Variants in CNTN4 observed in about 807,000 individuals in gnomAD.
CNTN4 encodes contactin-4.
CNTN4 carries 77 observed loss-of-function variants against 122.5 expected under a neutral mutation model. The ratio of observed to expected loss-of-function variants is 0.63; its 90% CI spans 0.52 to 0.76. The LOEUF (loss-of-function observed/expected upper bound fraction) is 0.76, where lower values mean the gene tolerates loss of function less well. Ranked by LOEUF, CNTN4 falls within the 30% of genes least tolerant of loss-of-function variation. CNTN4 has a pLI of 0.00. For synonymous variants in CNTN4, 512 were observed against 447.0 expected (o/e 1.15, Z -1.83); for missense variants, 1,256 against 1,259.1 (o/e 1.00, Z 0.04).
intron 3 of CNTN4, among the ~76,000 whole-genome samples, chr3:2,497,768 A>G (rs553952263): frequency 6.6e-6 from 1 of 152,322 alleles, no homozygotes; most frequent in South Asian, 2.1e-4. Flanking sequence ...AGAGCACTTA[A>G]CAGAATCTAT....
At chr3:2,829,920 G>C (rs2093066804) in intron 7 of CNTN4, among the ~76,000 whole-genome samples, 1 of 152,090 alleles carries the variant, frequency 6.6e-6, no homozygotes, top group African/African-American at 2.4e-5. Context: ...TAGTAAGAGA[G>C]ATGCTTAAGC....
At chr3:2,431,302 C>T (rs191052938) in intron 3 of CNTN4, among the ~76,000 whole-genome samples, 45 of 152,192 alleles carry the variant, frequency 3.0e-4, no homozygotes, top group African/African-American at 1.1e-3. Context: ...GCATATAGAA[C>T]AATATGCATA....
At chr3:2,869,552 C>T (rs1425424199) in intron 8 of CNTN4, among the ~76,000 whole-genome samples, 1 of 152,158 alleles carries the variant, frequency 6.6e-6, no homozygotes, top group Non-Finnish European at 1.5e-5. Context: ...CTATTTTAAA[C>T]ATTATTTGTA....
chr3:2,317,414 A>G (rs556895507), intron 2 of CNTN4, among the ~76,000 whole-genome samples: 41 of 152,334 alleles, frequency 2.7e-4, no homozygotes, highest in African/African-American at 5.5e-4. Context: ...AGAAAAATCA[A>G]TAGCTACTTT....
chr3:2,453,769 T>A (rs1178863674), intron 3 of CNTN4, among the ~76,000 whole-genome samples: 1 of 152,172 alleles, frequency 6.6e-6, no homozygotes, highest in African/African-American at 2.4e-5. Context: ...GCAATAGATA[T>A]GTATAACTTG....
At chr3:2,324,574 A>G (rs2043387144) in intron 2 of CNTN4, among the ~76,000 whole-genome samples, 1 of 152,104 alleles carries the variant, frequency 6.6e-6, no homozygotes, top group Admixed American at 6.5e-5. Context: ...TTCCCCTGCT[A>G]GCTTCTGTTT....
chr3:2,189,798 A>C (rs2037440910), intron 2 of CNTN4, among the ~76,000 whole-genome samples: 1 of 152,162 alleles, frequency 6.6e-6, no homozygotes, highest in African/African-American at 2.4e-5. Context: ...AAACTCTAAT[A>C]ACGAACTTTC....
chr3:2,191,061 C>T lies in CNTN4; in HGVS notation c.-145+90422C>T, dbSNP rs575666839. On this transcript the variant is annotated intron_variant, in intron 2 of 24. Transcript: ENST00000418658. Reference sequence around the variant, plus strand: ...CTCTCAGAATCTCCTCTATCCTCATCTCAAGCTTACTGGCATAATGTATTT... The same window carrying T: ...CTCTCAGAATCTCCTCTATCCTCATTTCAAGCTTACTGGCATAATGTATTT... Among the ~76,000 whole-genome samples the T allele has an allele frequency of 2.0e-5, 3 of 152,140 alleles. No homozygotes were observed. In the East Asian group the frequency reaches 5.8e-4, roughly 30 times the overall value.
intron 7 of CNTN4, among the ~76,000 whole-genome samples, chr3:2,855,483 T>G (rs1022951039): frequency 6.6e-6 from 1 of 152,192 alleles, no homozygotes; most frequent in Non-Finnish European, 1.5e-5. Flanking sequence ...TAAAAGTGTT[T>G]TGAAAATGTA....
chr3:3,022,239 A>G, intron 14 of CNTN4, among the ~76,000 whole-genome samples: 1 of 152,094 alleles, frequency 6.6e-6, no homozygotes, highest in Non-Finnish European at 1.5e-5. Context: ...ATGAGACCCC[A>G]TCTCAAAAAT....
intron 12 of CNTN4, among the ~76,000 whole-genome samples, chr3:2,921,356 G>C (rs896292683): frequency 3.9e-5 from 6 of 152,270 alleles, no homozygotes; most frequent in Non-Finnish European, 8.8e-5. Context: ...GCTGATTTTT[G>C]AATCAGCCAT....
At chr3:2,365,631 C>T (rs1161657789) in intron 3 of CNTN4, among the ~76,000 whole-genome samples, 1 of 152,136 alleles carries the variant, frequency 6.6e-6, no homozygotes, top group Non-Finnish European at 1.5e-5. Flanking sequence ...CAAAGTGAGG[C>T]TGAGATGAGA....
At chr3:2,795,137 G>A (rs1169802171) in intron 6 of CNTN4, among the ~76,000 whole-genome samples, 1 of 152,164 alleles carries the variant, frequency 6.6e-6, no homozygotes. Context: ...GATAGTTTTA[G>A]TAAGAGTTAT....
intron 11 of CNTN4, among the ~76,000 whole-genome samples, chr3:2,901,034 C>T (rs1287975717): frequency 6.6e-6 from 1 of 152,212 alleles, no homozygotes; most frequent in Admixed American, 6.5e-5. Context: ...TGCACTAGAT[C>T]TGTGGTCTTC....
intron 4 of CNTN4, among the ~76,000 whole-genome samples, chr3:2,723,416 T>G (rs2087990580): frequency 6.6e-6 from 1 of 152,136 alleles, no homozygotes; most frequent in Non-Finnish European, 1.5e-5. Flanking sequence ...GAACAGAAAT[T>G]TATTTCTCAC....
rs930204997 is a variant in CNTN4 at position 2,142,589 on chromosome 3, C to T, written c.-145+41950C>T. 4.6e-5 allele frequency among the ~76,000 whole-genome samples: 7 copies of T among 152,114 alleles called. No individual in the cohort carries two copies. In the South Asian group the frequency reaches 6.2e-4, roughly 14 times the overall value. On this transcript the variant is annotated intron_variant, in intron 2 of 24. Transcript: ENST00000418658. ...ACGTCCTGACTGCAAGTGATCTGCC[C>T]GCCTCGGCCTCCCAAACTGCTGGGA...
At chr3:2,988,785 T>A in intron 14 of CNTN4, 1 of 325,086 alleles carries the variant, frequency 3.1e-6, no homozygotes, top group Non-Finnish European at 5.9e-6. Flanking sequence ...TCTATAGATT[T>A]GAAATTCATG....
At chr3:2,667,160 C>T (rs948949393) in intron 4 of CNTN4, among the ~76,000 whole-genome samples, 7 of 152,134 alleles carry the variant, frequency 4.6e-5, no homozygotes, top group Non-Finnish European at 8.8e-5. Context: ...CCTGAGGAAT[C>T]GCCACACTAA....
chr3:2,325,195 C>G lies in CNTN4; in HGVS notation c.-144-13983C>G, dbSNP rs1013371793. 5.3e-5 allele frequency among the ~76,000 whole-genome samples: 8 copies of G among 152,196 alleles called. No individual in the cohort carries two copies. In the East Asian group the frequency reaches 1.5e-3, roughly 29 times the overall value. ...ATTTGATGTCACATAAGAGCGAATG[C>G]AGAAGCAAATAGGAGGATCCATTTG... On this transcript the variant is annotated intron_variant, in intron 2 of 24. Transcript: ENST00000418658.
Sources: allele counts gnomAD v4.1 joint callset (sites outside exome capture counted in the v4.1 genomes callset), GRCh38; gene constraint gnomAD v4.1.1; transcripts MANE v1.5; gene names NCBI Gene and HGNC (gene_info 2026-07-23, HGNC 2026-07-21).